MUSK: variants seen among roughly 807,000 people sequenced by gnomAD.
The protein encoded by MUSK is muscle associated receptor tyrosine kinase.
A neutral mutation model predicts 88.7 loss-of-function variants in MUSK; 55 were observed. That is an observed-to-expected ratio of 0.62 (90% CI 0.50 to 0.78). The LOEUF is 0.78. Among genes scored for constraint, MUSK ranks in the 30% least tolerant of loss-of-function variants. MUSK has a pLI of 0.00. For synonymous variants in MUSK, 387 were observed against 391.9 expected, an observed-to-expected ratio of 0.99 and a Z score of 0.15; for missense variants, 1,015 against 1,074.3, an observed-to-expected ratio of 0.94 and a Z score of 0.77.
chr9:110,755,028 G>C (rs536427177), intron 7 of MUSK, among the ~76,000 whole-genome samples: 2 of 152,244 alleles, frequency 1.3e-5, no homozygotes, highest in Non-Finnish European at 2.9e-5. Context: ...CAGTAAAACA[G>C]AAAGAATCTA....
At chr9:110,695,599 C>G in intron 4 of MUSK, 69 bp downstream of exon 4, 1 of 1,206,728 alleles carries the variant, frequency 8.3e-7, no homozygotes, top group Non-Finnish European at 1.1e-6. Context: ...TTTACACACT[C>G]AGTTACACAC....
chr9:110,784,676 C>T (rs1018195668), intron 11 of MUSK, 139 bp from the exon 12 acceptor site: 1 of 628,768 alleles, frequency 1.6e-6, no homozygotes, highest in African/African-American at 1.8e-5. Context: ...CCTTACTGAA[C>T]TTTATAAATA....
chr9:110,773,541 AT>A (rs1411646289), intron 9 of MUSK, among the ~76,000 whole-genome samples: 2 of 152,144 alleles, frequency 1.3e-5, no homozygotes, highest in African/African-American at 4.8e-5. Context: ...TTCATTTCAA[AT>A]AAAATATTTC....
At chr9:110,787,617 T>C in intron 13 of MUSK, 73 bp from the exon 14 acceptor site, 2 of 1,481,554 alleles carry the variant, frequency 1.3e-6, no homozygotes, top group South Asian at 1.3e-5. Flanking sequence ...GGAGGATATG[T>C]ATAAATGTGG....
At chr9:110,732,751 ATC>A (rs1368463107) in intron 5 of MUSK, among the ~76,000 whole-genome samples, 2 of 151,982 alleles carry the variant, frequency 1.3e-5, no homozygotes, top group Admixed American at 6.6e-5. Context: ...TTTTTTAATA[ATC>A]TCTTTTTGCC....
intron 5 of MUSK, among the ~76,000 whole-genome samples, chr9:110,726,829 C>T (rs1587960359): frequency 6.6e-6 from 1 of 151,904 alleles, no homozygotes; most frequent in South Asian, 2.1e-4. Flanking sequence ...AAGATGTGTC[C>T]AGCCCGAAGG....
At chr9:110,779,726 T>G (rs2077723366) in intron 11 of MUSK, among the ~76,000 whole-genome samples, 1 of 152,174 alleles carries the variant, frequency 6.6e-6, no homozygotes. Flanking sequence ...TATACACATA[T>G]GGGTTTACTG....
intron 8 of MUSK, among the ~76,000 whole-genome samples, chr9:110,762,499 T>C (rs974183678): frequency 2.0e-5 from 3 of 152,146 alleles, no homozygotes; most frequent in African/African-American, 7.2e-5. Flanking sequence ...GAGCTTCACA[T>C]GCATTATTTA....
intron 7 of MUSK, among the ~76,000 whole-genome samples, chr9:110,751,975 T>TA (rs2077254094): frequency 6.6e-6 from 1 of 152,142 alleles, no homozygotes; most frequent in South Asian, 2.1e-4. Flanking sequence ...GCCTATTAAT[T>TA]AAAAAATTGC....
chr9:110,755,979 CAT>C (rs61338385), intron 7 of MUSK, among the ~76,000 whole-genome samples: 2,178 of 100,536 alleles, frequency 0.022, 24 homozygotes, highest in Middle Eastern at 0.033. Context: ...TATATATATA[CAT>C]ATATATATAT....
At chr9:110,698,340 G>A (rs1013539588) in intron 5 of MUSK, among the ~76,000 whole-genome samples, 3 of 152,082 alleles carry the variant, frequency 2.0e-5, no homozygotes, top group Non-Finnish European at 4.4e-5. Context: ...AATAAATGTT[G>A]GCTATAAGAA....
chr9:110,701,074 G>A (rs2076494901), intron 5 of MUSK, among the ~76,000 whole-genome samples: 1 of 152,126 alleles, frequency 6.6e-6, no homozygotes, highest in South Asian at 2.1e-4. Context: ...AGAAATTAGG[G>A]TTATCTTTTG....
intron 5 of MUSK, among the ~76,000 whole-genome samples, chr9:110,713,207 C>T (rs955236630): frequency 1.3e-5 from 2 of 151,566 alleles, no homozygotes; most frequent in African/African-American, 4.8e-5. Context: ...CATGATTTGA[C>T]TCACAGGCTA....
rs2078093702 is a variant in MUSK at position 110,801,196 on chromosome 9, G to A, written c.*208G>A. The A allele has an allele frequency of 2.2e-6, 1 of 447,506 alleles. No homozygotes were observed. Among genetic ancestry groups the A allele is most frequent in the African/African-American group, 2.0e-5 (1 of 51,080 alleles). 27.7% of individuals were successfully genotyped at this position (447,506 alleles called of 1,614,324 possible). A position where few individuals can be genotyped will look rare whatever the true frequency, so the allele number is the denominator to read the frequency against. On this transcript the variant is annotated 3_prime_UTR_variant, in exon 15 of 15. Transcript: ENST00000374448. ...TGAAAGCCAGTGATTGGAAACACAG[G>A]CTAGGAAATGTGTCAGATAATGGAG...
At chr9:110,765,532 A>G (rs2077467213) in intron 8 of MUSK, among the ~76,000 whole-genome samples, 1 of 152,086 alleles carries the variant, frequency 6.6e-6, no homozygotes, top group Admixed American at 6.5e-5. Context: ...ACAGTTTTAC[A>G]TAACATGGGA....
Position 110,668,865 on chromosome 9 carries a change from G to C in MUSK, c.-40G>C. 1 of 1,529,830 alleles carries C rather than the reference G, an allele frequency of 6.5e-7. No individual in the cohort carries two copies. Among genetic ancestry groups the C allele is most frequent in the Non-Finnish European group, 9.1e-7 (1 of 1,103,698 alleles). The allele number at this position is 1,529,830 out of a possible 1,614,324, so 94.8% of individuals were successfully genotyped here. Reference sequence around the variant, plus strand: ...ACTGTGGAGCCATTTTCCTTGCGTTGTCCAGAAGGAACTTCGTCCTGCGTG... The same window carrying C: ...ACTGTGGAGCCATTTTCCTTGCGTTCTCCAGAAGGAACTTCGTCCTGCGTG... On this transcript the variant is annotated 5_prime_UTR_variant, in exon 1 of 15. Coordinates refer to ENST00000374448, the MANE Select transcript of MUSK (RefSeq NM_005592.4).
intron 3 of MUSK, among the ~76,000 whole-genome samples, chr9:110,689,952 A>T (rs1211680186): frequency 1.1e-5 from 1 of 92,400 alleles, no homozygotes; most frequent in Admixed American, 1.8e-4. Flanking sequence ...ATATTTAAAT[A>T]TAAATATATA....
chr9:110,680,531 G>A (rs553597578), intron 1 of MUSK, among the ~76,000 whole-genome samples: 140 of 151,600 alleles, frequency 9.2e-4, no homozygotes, highest in African/African-American at 3.3e-3. Context: ...CTACAGGTGT[G>A]CACCACCATG....
chr9:110,724,676 T>G (rs1052548341), intron 5 of MUSK, among the ~76,000 whole-genome samples: 2 of 151,994 alleles, frequency 1.3e-5, no homozygotes, highest in Non-Finnish European at 2.9e-5. Flanking sequence ...TCTACTTTCT[T>G]ATACACTGAG....
Sources: gnomAD v4.1 joint callset for allele counts (sites outside exome capture counted in the v4.1 genomes callset) on GRCh38, gnomAD v4.1.1 for gene constraint, MANE v1.5 for transcripts, NCBI Gene and HGNC (gene_info 2026-07-23, HGNC 2026-07-21) for gene names.